AHI1: variants seen among roughly 807,000 people sequenced by gnomAD.
AHI1 encodes the protein jouberin.
AHI1 carries 123 observed loss-of-function variants against 149.3 expected under a neutral mutation model. The observed-to-expected ratio is 0.82, with a 90% confidence interval of 0.71 to 0.96. The LOEUF is 0.96. Ranked by LOEUF, AHI1 falls within the 40% of genes least tolerant of loss-of-function variation. The pLI is 0.00. For synonymous variants in AHI1, 475 were observed against 459.8 expected (o/e 1.03, Z -0.42); for missense variants, 1,439 against 1,422.7 (o/e 1.01, Z -0.18).
At chr6:135,473,063 CTA>C (rs1448029618) in intron 5 of AHI1, among the ~76,000 whole-genome samples, 2 of 152,058 alleles carry the variant, frequency 1.3e-5, no homozygotes, top group African/African-American at 4.8e-5. Flanking sequence ...TACAATTATC[CTA>C]TGTTTCTCTT....
intron 26 of AHI1, chr6:135,304,954 A>C (rs1436892487): frequency 6.6e-6 from 1 of 152,204 alleles, no homozygotes; most frequent in Non-Finnish European, 1.5e-5. Context: ...AAAACTTACG[A>C]GATTTGGACT....
At chr6:135,384,867 T>C (rs954582899) in intron 23 of AHI1, among the ~76,000 whole-genome samples, 1 of 152,100 alleles carries the variant, frequency 6.6e-6, no homozygotes, top group Non-Finnish European at 1.5e-5. Flanking sequence ...GGTGGGCGGA[T>C]CACCTGAGGT....
chr6:135,367,379 G>C (rs1774340518), intron 23 of AHI1, among the ~76,000 whole-genome samples: 1 of 152,070 alleles, frequency 6.6e-6, no homozygotes, highest in Non-Finnish European at 1.5e-5. Context: ...TGTTCTTTGA[G>C]CTTCTTATAT....
intron 22 of AHI1, 96 bp downstream of exon 22, chr6:135,404,854 CT>C (rs975866300): frequency 9.1e-7 from 1 of 1,097,072 alleles, no homozygotes; most frequent in Non-Finnish European, 1.4e-6. Flanking sequence ...CAGATTAACT[CT>C]TATAAAGGTT....
In AHI1 at chr6:135,429,159, G is replaced by A. The variant is rs142903453; in HGVS notation, c.2493-400C>T. Among the ~76,000 whole-genome samples, 1,444 of 151,630 alleles carry A rather than the reference G, an allele frequency of 9.5e-3. 13 individuals carry two copies. The highest frequency in any genetic ancestry group is 0.017 in the Non-Finnish European group (1,141 of 67,592). On this transcript the variant is annotated intron_variant, in intron 18 of 28. Transcript: ENST00000265602. ...AATTTTTATACTCATATATTCTTCT[G>A]ATGAATTTTTAAAATAATACAAGGA...
At chr6:135,457,463 A>G in intron 9 of AHI1, 31 bp downstream of exon 9, 1 of 1,530,844 alleles carries the variant, frequency 6.5e-7, no homozygotes, top group Non-Finnish European at 8.9e-7. Context: ...TTTCAGTTTC[A>G]AGAATTAGTT....
intron 23 of AHI1, among the ~76,000 whole-genome samples, chr6:135,393,436 AG>A (rs1778798371): frequency 6.6e-6 from 1 of 152,128 alleles, no homozygotes; most frequent in Non-Finnish European, 1.5e-5. Context: ...GACAGCTGGT[AG>A]GGATAGAGTG....
chr6:135,486,312 C>G lies in AHI1; in HGVS notation c.135+4311G>C, dbSNP rs147419229. Among the ~76,000 whole-genome samples, 253 of 152,192 alleles carry G rather than the reference C, an allele frequency of 1.7e-3. 1 individual carries two copies. Among genetic ancestry groups the G allele is most frequent in the African/African-American group, 5.8e-3 (242 of 41,518 alleles). ...ATGTATACTGTGGATTTAAATTTTC[C>G]TAGAACCCCACAGCATGCTCTAGGT... On this transcript the variant is annotated intron_variant, in intron 5 of 28. Coordinates refer to ENST00000265602, the MANE Select transcript of AHI1 (RefSeq NM_001134831.2).
intron 28 of AHI1, 98 bp downstream of exon 28, chr6:135,290,325 T>C: frequency 1.3e-6 from 1 of 791,398 alleles, no homozygotes; most frequent in South Asian, 1.6e-5. Flanking sequence ...GTCCTTATTT[T>C]ACTTGCCTCT....
At chr6:135,354,852 CA>C (rs1452303775) in intron 24 of AHI1, among the ~76,000 whole-genome samples, 1 of 152,104 alleles carries the variant, frequency 6.6e-6, no homozygotes, top group African/African-American at 2.4e-5. Context: ...GAAAGCCACA[CA>C]TTTAACCATC....
At chr6:135,488,596 T>C (rs1794807111) in intron 5 of AHI1, among the ~76,000 whole-genome samples, 1 of 152,230 alleles carries the variant, frequency 6.6e-6, no homozygotes, top group Non-Finnish European at 1.5e-5. Context: ...TCCCAATATC[T>C]ATCTTGCATG....
intron 24 of AHI1, among the ~76,000 whole-genome samples, chr6:135,326,839 C>T (rs1353013971): frequency 1.3e-5 from 2 of 152,162 alleles, no homozygotes; most frequent in Non-Finnish European, 2.9e-5. Context: ...GGATTACAGA[C>T]GTGAACCACT....
intron 26 of AHI1, among the ~76,000 whole-genome samples, chr6:135,317,493 T>G (rs1454352137): frequency 6.7e-6 from 1 of 150,210 alleles, no homozygotes; most frequent in Non-Finnish European, 1.5e-5. Flanking sequence ...TATTTCCTCC[T>G]TGGGAACTCT....
In AHI1 at chr6:135,429,048, G is replaced by T. The variant is rs148587323; in HGVS notation, c.2493-289C>A. 0.02 allele frequency among the ~76,000 whole-genome samples: 3,071 copies of T among 151,672 alleles called. 39 individuals are homozygous for T. Among genetic ancestry groups the T allele is most frequent in the South Asian group, 0.038 (184 of 4,826 alleles). On this transcript the variant is annotated intron_variant, in intron 18 of 28. Coordinates refer to ENST00000265602, the MANE Select transcript of AHI1 (RefSeq NM_001134831.2). ...AACAGAAGAGTTCTTTTCAAACTTGGACAAGAGAAATTAATTCTAGCTATA... is the reference window on the plus strand; with the variant it reads ...AACAGAAGAGTTCTTTTCAAACTTGTACAAGAGAAATTAATTCTAGCTATA...
At chr6:135,490,258 A>G (rs1258465392) in intron 5 of AHI1, 1 of 719,716 alleles carries the variant, frequency 1.4e-6, no homozygotes, top group Non-Finnish European at 2.6e-6. Flanking sequence ...AATAGTTTAA[A>G]TAAGCACAAG....
intron 23 of AHI1, among the ~76,000 whole-genome samples, chr6:135,387,002 C>T (rs990456508): frequency 3.9e-5 from 6 of 152,072 alleles, no homozygotes; most frequent in African/African-American, 1.4e-4. Flanking sequence ...GCCATTTCAG[C>T]CTCTTGAGCA....
chr6:135,290,674 A>G (rs1156649034), intron 27 of AHI1, 149 bp from the exon 28 acceptor site: 2 of 724,882 alleles, frequency 2.8e-6, no homozygotes, highest in Non-Finnish European at 4.7e-6. Flanking sequence ...CGGCAGAACT[A>G]ATGAGTATAC....
chr6:135,292,995 G>C (rs1782555886), intron 27 of AHI1, among the ~76,000 whole-genome samples: 1 of 152,040 alleles, frequency 6.6e-6, no homozygotes, highest in Non-Finnish European at 1.5e-5. Context: ...AGTTCTAAAG[G>C]AAATTTTAGC....
intron 14 of AHI1, among the ~76,000 whole-genome samples, chr6:135,438,826 T>C (rs1429070572): frequency 6.6e-6 from 1 of 152,200 alleles, no homozygotes; most frequent in Non-Finnish European, 1.5e-5. Context: ...ACTTATATTC[T>C]ATAATTTAGG....
Sources: gnomAD v4.1 joint callset for allele counts (sites outside exome capture counted in the v4.1 genomes callset) on GRCh38, gnomAD v4.1.1 for gene constraint, MANE v1.5 for transcripts, NCBI Gene and HGNC (gene_info 2026-07-23, HGNC 2026-07-21) for gene names.